KAT6B: variants seen among roughly 807,000 people sequenced by gnomAD.
KAT6B encodes the protein histone acetyltransferase KAT6B.
KAT6B carries 10 observed loss-of-function variants against 187.5 expected under a neutral mutation model. The ratio of observed to expected loss-of-function variants is 0.05; its 90% CI spans 0.03 to 0.09. KAT6B has a LOEUF of 0.09. Among genes scored for constraint, KAT6B ranks in the 10% least tolerant of loss-of-function variants. The pLI is 1.00. For missense variants in KAT6B, 1,952 were observed against 2,558.9 expected, an observed-to-expected ratio of 0.76 and a Z score of 5.12; for synonymous variants, 861 against 926.8, an observed-to-expected ratio of 0.93 and a Z score of 1.29.
intron 3 of KAT6B, among the ~76,000 whole-genome samples, chr10:74,866,428 A>G (rs1052209940): frequency 1.3e-5 from 2 of 152,122 alleles, no homozygotes; most frequent in African/African-American, 4.8e-5. Flanking sequence ...TAGGACCCCT[A>G]ATTGTTGAAT....
chr10:74,910,922 G>T (rs1437266548), intron 3 of KAT6B, among the ~76,000 whole-genome samples: 5 of 152,078 alleles, frequency 3.3e-5, no homozygotes, highest in Non-Finnish European at 5.9e-5. Flanking sequence ...CCATTTTCAA[G>T]ATCTTTTTCT....
At chr10:75,008,433 G>A (rs1285586113) in intron 13 of KAT6B, among the ~76,000 whole-genome samples, 3 of 152,184 alleles carry the variant, frequency 2.0e-5, no homozygotes, top group African/African-American at 7.2e-5. Flanking sequence ...AAAAGGCTAC[G>A]ATGACTTAAA....
intron 13 of KAT6B, among the ~76,000 whole-genome samples, chr10:75,004,280 C>T (rs1844055057): frequency 6.6e-6 from 1 of 152,102 alleles, no homozygotes; most frequent in African/African-American, 2.4e-5. Flanking sequence ...GAGCACAGTG[C>T]CTAGCACATA....
chr10:74,893,762 G>A (rs376268813), intron 3 of KAT6B, among the ~76,000 whole-genome samples: 3 of 152,048 alleles, frequency 2.0e-5, no homozygotes, highest in Non-Finnish European at 4.4e-5. Context: ...GAGCCACCAC[G>A]CCCAGCCAAA....
At chr10:74,985,347 C>T in intron 12 of KAT6B, 106 bp downstream of exon 12, 1 of 1,151,040 alleles carries the variant, frequency 8.7e-7, no homozygotes, top group South Asian at 1.3e-5. Flanking sequence ...GAATAAGTGA[C>T]ATGTGTTTTT....
chr10:75,005,731 G>A (rs1844160782), intron 13 of KAT6B, among the ~76,000 whole-genome samples: 1 of 152,140 alleles, frequency 6.6e-6, no homozygotes, highest in South Asian at 2.1e-4. Context: ...TAGCATGTTT[G>A]TACTCTAATA....
In KAT6B at chr10:74,843,086, C is replaced by T; in HGVS notation, c.229C>T (p.Pro77Ser). 1 of 1,614,162 alleles carries T rather than the reference C, an allele frequency of 6.2e-7. No individual in the cohort carries two copies. Among genetic ancestry groups the T allele is most frequent in the Non-Finnish European group, 8.5e-7 (1 of 1,180,032 alleles). The change falls in exon 3 of 18, where the codon CCT becomes TCT. Residue 77 changes from proline (P) to serine (S), a missense_variant. Transcript: ENST00000287239. ...GLASYKDPDNPGRFSSVKPGT... is the reference protein window; with the variant it reads ...GLASYKDPDNSGRFSSVKPGT... ...TGCCTCCTATAAGGACCCAGACAAC[C>T]CTGGGCGCTTTTCATCAGTTAAACC...
intron 3 of KAT6B, among the ~76,000 whole-genome samples, chr10:74,931,297 C>G (rs1027101709): frequency 1.3e-5 from 2 of 152,146 alleles, no homozygotes; most frequent in African/African-American, 4.8e-5. Context: ...TCATCACAGC[C>G]ATCACCCCTC....
rs554477874 is a variant in KAT6B, at chr10:74,993,099, A to G, written c.2629+3987A>G. ...AGAACTTCAGAGAACTCCCTTGCCC[A>G]CAAAACATTTGCAGTTCCTACTTCA... On this transcript the variant is annotated intron_variant, in intron 13 of 17. Transcript: ENST00000287239. Among the ~76,000 whole-genome samples the G allele has an allele frequency of 3.3e-5, 5 of 152,244 alleles. No homozygotes were observed. The South Asian group carries it at 1.0e-3, about 32-fold the overall frequency.
intron 3 of KAT6B, among the ~76,000 whole-genome samples, chr10:74,928,139 C>A (rs1226132682): frequency 6.6e-6 from 1 of 152,166 alleles, no homozygotes; most frequent in Non-Finnish European, 1.5e-5. Context: ...GCTCAAAATT[C>A]TTGAAATTGT....
chr10:74,983,652 G>C (rs529745847), intron 11 of KAT6B: 1 of 152,186 alleles, frequency 6.6e-6, no homozygotes, highest in East Asian at 1.9e-4. Flanking sequence ...TCCATGGAAC[G>C]TCTTCTCATG....
intron 3 of KAT6B, among the ~76,000 whole-genome samples, chr10:74,930,169 C>G (rs924014698): frequency 1.3e-5 from 2 of 152,276 alleles, no homozygotes; most frequent in African/African-American, 4.8e-5. Context: ...GTAATCCACC[C>G]ACTTCGGCCT....
chr10:74,842,784 A>G lies in KAT6B; in HGVS notation c.-74A>G. On this transcript the variant is annotated 5_prime_UTR_variant, in exon 3 of 18. Coordinates refer to ENST00000287239, the MANE Select transcript of KAT6B (RefSeq NM_012330.4). ...TTTGTTGAATTGTAAATGACTTTCAAATGTGCAAGTTCTGTTAAATACAAA... is the reference window on the plus strand; with the variant it reads ...TTTGTTGAATTGTAAATGACTTTCAGATGTGCAAGTTCTGTTAAATACAAA... 2.0e-6 allele frequency: 3 copies of G among 1,519,156 alleles called. No homozygotes were observed. The highest frequency in any genetic ancestry group is 1.8e-6 in the Non-Finnish European group (2 of 1,099,388). 94.1% of individuals were successfully genotyped at this position (1,519,156 alleles called of 1,614,324 possible).
chr10:74,932,690 G>A (rs539420123), intron 3 of KAT6B, among the ~76,000 whole-genome samples: 33 of 152,238 alleles, frequency 2.2e-4, no homozygotes, highest in African/African-American at 6.0e-4. Flanking sequence ...GAAAAATATC[G>A]ACTTACGCTG....
At chr10:74,835,256 T>G (rs1318419662) in intron 1 of KAT6B, among the ~76,000 whole-genome samples, 3 of 152,182 alleles carry the variant, frequency 2.0e-5, no homozygotes, top group Non-Finnish European at 2.9e-5. Flanking sequence ...TTATCCAGGC[T>G]CAGCATTATC....
chr10:74,879,032 T>C (rs1844647865), intron 3 of KAT6B, among the ~76,000 whole-genome samples: 1 of 152,216 alleles, frequency 6.6e-6, no homozygotes, highest in Non-Finnish European at 1.5e-5. Context: ...CTTCTGCTTA[T>C]ATTTCATTGG....
chr10:74,864,429 C>T (rs911339374), intron 3 of KAT6B, among the ~76,000 whole-genome samples: 5 of 152,002 alleles, frequency 3.3e-5, no homozygotes, highest in Admixed American at 6.6e-5. Context: ...TTAGTAGAGA[C>T]GGGGTTTCAC....
At chr10:74,885,535 C>A (rs920986554) in intron 3 of KAT6B, among the ~76,000 whole-genome samples, 1 of 152,002 alleles carries the variant, frequency 6.6e-6, no homozygotes, top group Non-Finnish European at 1.5e-5. Context: ...CTTAAATATG[C>A]TAGATATGAA....
intron 3 of KAT6B, among the ~76,000 whole-genome samples, chr10:74,849,554 A>G (rs182162528): frequency 6.6e-6 from 1 of 152,236 alleles, no homozygotes; most frequent in East Asian, 1.9e-4. Flanking sequence ...TGGCATCTCA[A>G]AGTGCTAGGT....
Sources: allele counts gnomAD v4.1 joint callset (sites outside exome capture counted in the v4.1 genomes callset), GRCh38; gene constraint gnomAD v4.1.1; transcripts MANE v1.5; gene names NCBI Gene and HGNC (gene_info 2026-07-23, HGNC 2026-07-21).